DPYD: variants seen among roughly 807,000 people sequenced by gnomAD.
DPYD encodes the protein dihydropyrimidine dehydrogenase.
Under a neutral mutation model 116.2 loss-of-function variants are expected in DPYD, and 109 were observed. The ratio of observed to expected loss-of-function variants is 0.94; its 90% CI spans 0.80 to 1.10. The LOEUF (loss-of-function observed/expected upper bound fraction) is 1.10. Ranked by LOEUF, DPYD falls within the 50% of genes least tolerant of loss-of-function variation. DPYD has a pLI of 0.00. For missense variants in DPYD, 1,302 were observed against 1,254.5 expected (o/e 1.04, Z -0.57); for synonymous variants, 440 against 432.0 (o/e 1.02, Z -0.23).
chr1:97,183,900 G>C (rs1051166380), intron 20 of DPYD, among the ~76,000 whole-genome samples: 1 of 151,786 alleles, frequency 6.6e-6, no homozygotes, highest in Non-Finnish European at 1.5e-5. Flanking sequence ...TTTTTTTCCT[G>C]ATCCTCTCCC....
chr1:97,470,795 C>T (rs558633131), intron 13 of DPYD, among the ~76,000 whole-genome samples: 2 of 152,198 alleles, frequency 1.3e-5, no homozygotes, highest in South Asian at 2.1e-4. Context: ...GTCAGGAGTT[C>T]GAGACCAGCT....
At chr1:97,660,899 T>C (rs1395225895) in intron 8 of DPYD, among the ~76,000 whole-genome samples, 1 of 152,172 alleles carries the variant, frequency 6.6e-6, no homozygotes, top group Non-Finnish European at 1.5e-5. Flanking sequence ...TTAATTATCA[T>C]CTCAAACATC....
At chr1:97,511,052 A>C (rs556093068) in intron 13 of DPYD, among the ~76,000 whole-genome samples, 10 of 151,844 alleles carry the variant, frequency 6.6e-5, no homozygotes, top group Non-Finnish European at 1.5e-4. Context: ...GGATCCAAAC[A>C]ACCAACTGTA....
At chr1:97,111,289 A>C (rs776681092) in intron 20 of DPYD, among the ~76,000 whole-genome samples, 19 of 152,102 alleles carry the variant, frequency 1.2e-4, no homozygotes, top group Non-Finnish European at 1.9e-4. Context: ...CTCTGCTTAA[A>C]ATCCTTCAAT....
At chr1:97,376,488 A>C (rs188062869) in intron 15 of DPYD, among the ~76,000 whole-genome samples, 1 of 152,308 alleles carries the variant, frequency 6.6e-6, no homozygotes, top group African/African-American at 2.4e-5. Flanking sequence ...TCCAAGCCTC[A>C]AAAACAGACA....
intron 21 of DPYD, among the ~76,000 whole-genome samples, chr1:97,086,220 AT>A (rs1014098825): frequency 5.9e-4 from 90 of 151,982 alleles, no homozygotes; most frequent in African/African-American, 2.0e-3. Flanking sequence ...CGCCCGGCTA[AT>A]TTTTGTATTT....
At chr1:97,104,629 G>A (rs1309929249) in intron 20 of DPYD, among the ~76,000 whole-genome samples, 1 of 152,066 alleles carries the variant, frequency 6.6e-6, no homozygotes, top group Non-Finnish European at 1.5e-5. Context: ...AGGTAGGATG[G>A]CAAGTGGTGC....
At chr1:97,111,288 A>C (rs1271529596) in intron 20 of DPYD, among the ~76,000 whole-genome samples, 1 of 152,078 alleles carries the variant, frequency 6.6e-6, no homozygotes. Flanking sequence ...CCTCTGCTTA[A>C]AATCCTTCAA....
intron 20 of DPYD, among the ~76,000 whole-genome samples, chr1:97,142,431 G>T (rs184707377): frequency 6.6e-6 from 1 of 151,922 alleles, no homozygotes; most frequent in Non-Finnish European, 1.5e-5. Flanking sequence ...AAATACATGC[G>T]AATCTCTCTT....
intron 7 of DPYD, among the ~76,000 whole-genome samples, chr1:97,681,356 C>G (rs1247629306): frequency 6.6e-6 from 1 of 152,008 alleles, no homozygotes; most frequent in South Asian, 2.1e-4. Context: ...ATATAAAGTG[C>G]AAAGCAAGCA....
chr1:97,190,449 G>T (rs543370746), intron 20 of DPYD, among the ~76,000 whole-genome samples: 1 of 152,186 alleles, frequency 6.6e-6, no homozygotes, highest in African/African-American at 2.4e-5. Context: ...CAATGCTAGT[G>T]GGGCCTGGGA....
Position 97,648,735 on chromosome 1 carries a change from C to T in DPYD, c.850+30360G>A, listed in dbSNP as rs1024610614. Among the ~76,000 whole-genome samples, 3 of 151,908 alleles carry T rather than the reference C, an allele frequency of 2.0e-5. No homozygotes were observed. In the East Asian group the frequency reaches 5.8e-4, roughly 29 times the overall value. ...TTTTCGCTGTGTGAAATCATTTAATCCTCTCAGTCCTGTGAGGCAAATTAT... is the reference window on the plus strand; with the variant it reads ...TTTTCGCTGTGTGAAATCATTTAATTCTCTCAGTCCTGTGAGGCAAATTAT... On this transcript the variant is annotated intron_variant, in intron 8 of 22. Transcript: ENST00000370192.
intron 13 of DPYD, among the ~76,000 whole-genome samples, chr1:97,499,720 A>C (rs1313085004): frequency 2.6e-5 from 4 of 151,920 alleles, no homozygotes; most frequent in African/African-American, 9.7e-5. Context: ...TTGATACTAT[A>C]ATTTAATTTA....
At chr1:97,702,126 G>C (rs1174008019) in intron 5 of DPYD, among the ~76,000 whole-genome samples, 3 of 151,308 alleles carry the variant, frequency 2.0e-5, no homozygotes, top group Non-Finnish European at 4.4e-5. Context: ...TGTGAACAAG[G>C]AACTAAATTC....
At chr1:97,767,994 TG>T (rs1665955166) in intron 3 of DPYD, among the ~76,000 whole-genome samples, 1 of 152,102 alleles carries the variant, frequency 6.6e-6, no homozygotes, top group Non-Finnish European at 1.5e-5. Context: ...AATCCACTAC[TG>T]CAATAGAAGA....
At chr1:97,856,328 G>A (rs1466006887) in intron 2 of DPYD, 1 of 152,040 alleles carries the variant, frequency 6.6e-6, no homozygotes, top group African/African-American at 2.4e-5. Context: ...AGATAGAGGA[G>A]AATCTTCCCA....
chr1:97,346,845 C>T (rs78987067), intron 16 of DPYD, among the ~76,000 whole-genome samples: 5,727 of 151,818 alleles, frequency 0.038, 156 homozygotes, highest in East Asian at 0.08. Context: ...AGAGATATAG[C>T]TTTATAAGAA....
intron 19 of DPYD, among the ~76,000 whole-genome samples, chr1:97,203,843 C>CATT (rs1447818084): frequency 1.0e-5 from 1 of 95,828 alleles, no homozygotes; most frequent in African/African-American, 3.8e-5. Flanking sequence ...CAATGAGAAA[C>CATT]ATTTGTTAAC....
chr1:97,196,186 A>G (rs1245867920), intron 19 of DPYD, among the ~76,000 whole-genome samples: 1 of 151,920 alleles, frequency 6.6e-6, no homozygotes, highest in Non-Finnish European at 1.5e-5. Flanking sequence ...TGTAGCCTCA[A>G]CCTCCTGAGC....
Sources: gnomAD v4.1 joint callset for allele counts (sites outside exome capture counted in the v4.1 genomes callset) on GRCh38, gnomAD v4.1.1 for gene constraint, MANE v1.5 for transcripts, NCBI Gene and HGNC (gene_info 2026-07-23, HGNC 2026-07-21) for gene names.